ABCG2: variants seen among roughly 807,000 people sequenced by gnomAD.
ABCG2 encodes ATP binding cassette subfamily G member 2 (JR blood group).
Under a neutral mutation model 73.5 loss-of-function variants are expected in ABCG2, and 80 were observed. The observed-to-expected ratio is 1.09, with a 90% CI of 0.91 to 1.31. ABCG2 has a LOEUF of 1.31. ABCG2 is among the 50% of genes most tolerant of loss of function. The pLI, the probability that ABCG2 is intolerant of heterozygous loss-of-function variation, is 0.00. For missense variants in ABCG2, 796 were observed against 786.2 expected, an observed-to-expected ratio of 1.01 and a Z score of -0.15; for synonymous variants, 269 against 282.4, an observed-to-expected ratio of 0.95 and a Z score of 0.48.
intron 6 of ABCG2, 22 bp from the exon 7 acceptor site, chr4:88,118,282 A>G: frequency 6.2e-7 from 1 of 1,610,204 alleles, no homozygotes; most frequent in Non-Finnish European, 8.5e-7. Context: ...GTGAGACAAT[A>G]CTAAGTCATT....
At chr4:88,152,848 C>T in intron 1 of ABCG2, among the ~76,000 whole-genome samples, 1 of 151,898 alleles carries the variant, frequency 6.6e-6, no homozygotes, top group Non-Finnish European at 1.5e-5. Flanking sequence ...AGGGCTGCTT[C>T]AAGTGGGATT....
chr4:88,096,356 AC>A (rs1721984009), intron 13 of ABCG2, among the ~76,000 whole-genome samples: 1 of 152,234 alleles, frequency 6.6e-6, no homozygotes, highest in Non-Finnish European at 1.5e-5. Context: ...ACTTGACCTG[AC>A]CAAGTGCTTA....
chr4:88,171,229 T>C (rs1727743088), intron 1 of ABCG2, among the ~76,000 whole-genome samples: 1 of 145,002 alleles, frequency 6.9e-6, no homozygotes, highest in Admixed American at 7.0e-5. Context: ...CGAGTTTACC[T>C]ATACAACAAA....
At chr4:88,196,697 C>T (rs1194767876) in intron 1 of ABCG2, among the ~76,000 whole-genome samples, 1 of 151,680 alleles carries the variant, frequency 6.6e-6, no homozygotes, top group Non-Finnish European at 1.5e-5. Context: ...CAACTATGAA[C>T]CTCATCAGCA....
intron 1 of ABCG2, among the ~76,000 whole-genome samples, chr4:88,181,330 G>T (rs1728224220): frequency 6.8e-6 from 1 of 146,746 alleles, no homozygotes; most frequent in African/African-American, 2.6e-5. Flanking sequence ...AACCCAGGAG[G>T]CAGAGGTTGC....
rs181483741 is a variant in ABCG2, at chr4:88,107,092, A to C, written c.1277+92T>G. 6.3e-6 allele frequency: 6 copies of C among 950,714 alleles called. No homozygotes were observed. The South Asian group carries it at 7.8e-5, about 12-fold the overall frequency. The allele number at this position is 950,714 out of a possible 1,614,324, so 58.9% of individuals were successfully genotyped here. The stretch of plus-strand genomic sequence containing the variant: ...TCAATAAAAGAATGACATTTACACT[A>C]TACTTGTCTTAAATTCAAATTCTTA... On this transcript the variant is annotated intron_variant, in intron 10 of 15. Transcript: ENST00000237612.
chr4:88,143,087 C>G (rs941313168), intron 1 of ABCG2, among the ~76,000 whole-genome samples: 7 of 152,030 alleles, frequency 4.6e-5, no homozygotes, highest in African/African-American at 1.7e-4. Context: ...TTAGGTATTA[C>G]AAGTAATCTA....
At chr4:88,173,070 A>G (rs1727821995) in intron 1 of ABCG2, among the ~76,000 whole-genome samples, 1 of 152,234 alleles carries the variant, frequency 6.6e-6, no homozygotes, top group Non-Finnish European at 1.5e-5. Context: ...ATTATTATGT[A>G]GGTCAAGTGG....
intron 1 of ABCG2, among the ~76,000 whole-genome samples, chr4:88,173,787 C>T (rs1727851491): frequency 6.6e-6 from 1 of 151,944 alleles, no homozygotes; most frequent in Admixed American, 6.6e-5. Context: ...TCACTTGAGC[C>T]CAGGAGTTTG....
chr4:88,207,146 C>A (rs896043981), intron 1 of ABCG2, among the ~76,000 whole-genome samples: 2 of 152,088 alleles, frequency 1.3e-5, no homozygotes, highest in African/African-American at 4.8e-5. Context: ...TTACTTGAGA[C>A]CCCTGCCACA....
At chr4:88,138,116 A>T (rs1360817616) in intron 2 of ABCG2, among the ~76,000 whole-genome samples, 1 of 152,220 alleles carries the variant, frequency 6.6e-6, no homozygotes, top group Non-Finnish European at 1.5e-5. Context: ...ACCACACTCC[A>T]GCTTAGGTGA....
In ABCG2 at chr4:88,091,757, T is replaced by A. The variant is rs967801174; in HGVS notation, c.*477A>T. Reference sequence around the variant, plus strand: ...TATCACGGTGGCTTTTTTTACCCTATAAGACAGAATCTTTTTTCCAACATA... The same window carrying A: ...TATCACGGTGGCTTTTTTTACCCTAAAAGACAGAATCTTTTTTCCAACATA... On this transcript the variant is annotated 3_prime_UTR_variant, in exon 16 of 16. Coordinates refer to ENST00000237612, the MANE Select transcript of ABCG2 (RefSeq NM_004827.3). 5 of 153,102 alleles carry A rather than the reference T, an allele frequency of 3.3e-5. No homozygotes were observed. Among genetic ancestry groups the A allele is most frequent in the Admixed American group, 6.5e-5 (1 of 15,390 alleles). The allele number at this position is 153,102 out of a possible 1,614,324, so 9.5% of individuals were successfully genotyped here. A position where few individuals can be genotyped will look rare whatever the true frequency, so the allele number is the denominator to read the frequency against.
intron 1 of ABCG2, among the ~76,000 whole-genome samples, chr4:88,202,955 A>G (rs766705046): frequency 6.6e-6 from 1 of 152,128 alleles, no homozygotes; most frequent in Non-Finnish European, 1.5e-5. Context: ...TCTGTACTTT[A>G]CCTTTTCTCT....
chr4:88,132,440 T>A, intron 3 of ABCG2, 136 bp downstream of exon 3: 1 of 862,402 alleles, frequency 1.2e-6, no homozygotes, highest in Middle Eastern at 2.7e-4. Flanking sequence ...ACTACAGTTA[T>A]CCACAGCACC....
chr4:88,225,809 C>A (rs886815280), intron 1 of ABCG2, among the ~76,000 whole-genome samples: 1 of 152,148 alleles, frequency 6.6e-6, no homozygotes, highest in Non-Finnish European at 1.5e-5. Context: ...ACTCACAGTT[C>A]CACATGGCTG....
intron 1 of ABCG2, among the ~76,000 whole-genome samples, chr4:88,224,494 T>C (rs1730127196): frequency 7.6e-6 from 1 of 131,272 alleles, no homozygotes; most frequent in South Asian, 2.4e-4. Context: ...GTCCTCTTTT[T>C]TGTTTGTTTT....
rs1369438824 is a variant in ABCG2 at position 88,230,345 on chromosome 4, ATT to A, written c.-20+647_-20+648del. Among the ~76,000 whole-genome samples the A allele has an allele frequency of 2.2e-3, 197 of 89,008 alleles. 4 individuals carry two copies. The highest frequency in any genetic ancestry group is 3.7e-3 in the Non-Finnish European group (168 of 44,848). The allele number at this position is 89,008 out of a possible 152,430, so 58.4% of individuals were successfully genotyped here. On this transcript the variant is annotated intron_variant, in intron 1 of 15. Coordinates refer to the ABCG2 transcript ENST00000515655. ...GCCACATATATATATATATATATAT[ATT>A]TTTTGAGACGGAGTCTCGCACTGTC...
At chr4:88,130,191 G>A (rs1724749763) in intron 5 of ABCG2, among the ~76,000 whole-genome samples, 1 of 152,142 alleles carries the variant, frequency 6.6e-6, no homozygotes, top group Admixed American at 6.5e-5. Context: ...AGTGAGCAAA[G>A]CTTCATCGGT....
At chr4:88,097,326 G>A in intron 13 of ABCG2, 127 bp downstream of exon 13, 2 of 1,011,428 alleles carry the variant, frequency 2.0e-6, no homozygotes, top group South Asian at 1.8e-5. Context: ...TCCAGTAGAT[G>A]GCCTTAAGTA....
Sources: allele counts gnomAD v4.1 joint callset (sites outside exome capture counted in the v4.1 genomes callset), GRCh38; gene constraint gnomAD v4.1.1; transcripts MANE v1.5; gene names NCBI Gene and HGNC (gene_info 2026-07-23, HGNC 2026-07-21).